The following CEP44 variants were observed in gnomAD, a reference collection of about 807,000 sequenced individuals.
CEP44 encodes the protein centrosomal protein of 44 kDa.
In CEP44, 45 loss-of-function variants were observed where a neutral mutation model predicts 46.7. The ratio of observed to expected loss-of-function variants is 0.96; its 90% CI spans 0.76 to 1.24. The LOEUF is 1.24. CEP44 is among the 50% of genes most tolerant of loss of function. The pLI is 0.00. For synonymous variants in CEP44, 142 were observed against 146.0 expected (o/e 0.97, Z 0.20); for missense variants, 475 against 459.7 (o/e 1.03, Z -0.30).
At position 174,331,828 on chromosome 4, in the gene CEP44, CCTCA is replaced by C. The variant is rs1203190165; in HGVS notation, c.*238_*241del. The stretch of plus-strand genomic sequence containing the variant: ...TTTCTCAAAATGTCTGCTGATAGCC[CCTCA>C]CTCATATTTTTCATGTGGGTTTATA... On this transcript the variant is annotated 3_prime_UTR_variant, in exon 9 of 9. Coordinates refer to the CEP44 transcript ENST00000426172. The surrounding 1 kb of genome is among the most constrained non-coding windows in gnomAD (Gnocchi z 4.5). The C allele has an allele frequency of 1.4e-4, 61 of 435,478 alleles. No individual in the cohort carries two copies. Among genetic ancestry groups the C allele is most frequent in the African/African-American group, 1.1e-3 (55 of 49,992 alleles). 27.0% of individuals were successfully genotyped at this position (435,478 alleles called of 1,614,324 possible).
intron 4 of CEP44, among the ~76,000 whole-genome samples, chr4:174,303,023 G>A (rs1176990591): frequency 6.6e-6 from 1 of 151,970 alleles, no homozygotes; most frequent in Non-Finnish European, 1.5e-5. Flanking sequence ...CTTGTGCTCT[G>A]CCCACCTTGG....
intron 1 of CEP44, among the ~76,000 whole-genome samples, chr4:174,293,610 T>C (rs1248423628): frequency 6.6e-6 from 1 of 152,236 alleles, no homozygotes; most frequent in African/African-American, 2.4e-5. Context: ...ATTGCCAGTA[T>C]ATAGGAAAAC....
In CEP44 at chr4:174,319,557, C is replaced by T. The variant is rs1201325616; in HGVS notation, c.*2174C>T. The T allele has an allele frequency of 1.2e-6, 1 of 822,906 alleles. No homozygotes were observed. Among genetic ancestry groups the T allele is most frequent in the African/African-American group, 1.9e-5 (1 of 53,872 alleles). 51.0% of individuals were successfully genotyped at this position (822,906 alleles called of 1,614,324 possible). On this transcript the variant is annotated 3_prime_UTR_variant, in exon 12 of 12. Transcript: ENST00000503780. Reference sequence around the variant, plus strand: ...TTTTTCTTTATATAGTGCAGATATACACACAGAGAAGGGACTTAAAACATT... The same window carrying T: ...TTTTTCTTTATATAGTGCAGATATATACACAGAGAAGGGACTTAAAACATT...
At chr4:174,324,488 C>G (rs1262006440), downstream of CEP44, among the ~76,000 whole-genome samples, 1 of 152,106 alleles carries the variant, frequency 6.6e-6, no homozygotes, top group Non-Finnish European at 1.5e-5. Flanking sequence ...AACTGGCTGG[C>G]CCATTTGCTT....
rs77838069 is a variant in CEP44 at position 174,287,777 on chromosome 4, T to C, written c.-148+3834T>C. Among the ~76,000 whole-genome samples, 4,505 of 152,300 alleles carry C rather than the reference T, an allele frequency of 0.03. 107 individuals carry two copies. The highest frequency in any genetic ancestry group is 0.047 in the Non-Finnish European group (3,229 of 67,998). ...TTATAATTATTTCATGCTGACAATA[T>C]GTTTATAAGTGTTTTGCAGTAACCT... is the stretch of plus-strand genomic sequence containing the variant. On this transcript the variant is annotated intron_variant, in intron 1 of 11. Coordinates refer to ENST00000503780, the MANE Select transcript of CEP44 (RefSeq NM_001040157.3). The surrounding 1 kb of genome is among the most constrained non-coding windows in gnomAD (Gnocchi z 5.1).
At position 174,299,080 on chromosome 4, in the gene CEP44, T is replaced by G. The variant is rs1433544447; in HGVS notation, c.-42T>G. On this transcript the variant is annotated 5_prime_UTR_variant, in exon 3 of 12. Transcript: ENST00000503780. ...TGGATTTCTATTTTCAGGTGAAAAA[T>G]TAGACGATTTCAAGAATTGGAGCTG... 1.3e-6 allele frequency: 2 copies of G among 1,536,202 alleles called. No individual in the cohort carries two copies. The highest frequency in any genetic ancestry group is 2.3e-5 in the South Asian group (2 of 87,008).
At chr4:174,323,797 T>G (rs138404787), downstream of CEP44, among the ~76,000 whole-genome samples, 1,482 of 152,182 alleles carry the variant, frequency 9.7e-3, 6 homozygotes, top group Middle Eastern at 0.017. Flanking sequence ...AGGGCACTCA[T>G]TGGGCATTCA....
chr4:174,317,632 T>G lies in CEP44; in HGVS notation c.*249T>G. Reference sequence around the variant, plus strand: ...AACTCATGTTCCAGTATATTTCTCTTACAGAGTGAAGTCATTACAGCACTG... The same window carrying G: ...AACTCATGTTCCAGTATATTTCTCTGACAGAGTGAAGTCATTACAGCACTG... On this transcript the variant is annotated 3_prime_UTR_variant, in exon 12 of 12. Coordinates refer to ENST00000503780, the MANE Select transcript of CEP44 (RefSeq NM_001040157.3). The G allele has an allele frequency of 4.7e-6, 5 of 1,055,980 alleles. No individual in the cohort carries two copies. The highest frequency in any genetic ancestry group is 5.7e-6 in the Non-Finnish European group (5 of 873,438). 65.4% of individuals were successfully genotyped at this position (1,055,980 alleles called of 1,614,324 possible).
At position 174,319,641 on chromosome 4, in the gene CEP44, T is replaced by C; in HGVS notation, c.*2258T>C. 1 of 673,662 alleles carries C rather than the reference T, an allele frequency of 1.5e-6. No homozygotes were observed. Among genetic ancestry groups the C allele is most frequent in the Non-Finnish European group, 1.8e-6 (1 of 545,128 alleles). The allele number at this position is 673,662 out of a possible 1,614,324, so 41.7% of individuals were successfully genotyped here. A position where few individuals can be genotyped will look rare whatever the true frequency, so the allele number is the denominator to read the frequency against. On this transcript the variant is annotated 3_prime_UTR_variant, in exon 12 of 12. Transcript: ENST00000503780. ...TATAAGTAAGTATATATTGAAAATA[T>C]AAAATATTTCATATATGTTATCAGG...
At chr4:174,315,250 A>G (rs572390808) in intron 9 of CEP44, among the ~76,000 whole-genome samples, 205 of 137,598 alleles carry the variant, frequency 1.5e-3, no homozygotes, top group African/African-American at 4.9e-3. Context: ...TTTTTTTTGC[A>G]TTGCTTTTGC....
Position 174,310,657 on chromosome 4 carries a change from ATAAAAAAT to A in CEP44, c.886-119_886-112del. 1.8e-6 allele frequency: 1 copy of A among 565,084 alleles called. No homozygotes were observed. Among genetic ancestry groups the A allele is most frequent in the Non-Finnish European group, 3.1e-6 (1 of 327,136 alleles). The allele number at this position is 565,084 out of a possible 1,614,324, so 35.0% of individuals were successfully genotyped here. A position where few individuals can be genotyped will look rare whatever the true frequency, so the allele number is the denominator to read the frequency against. On this transcript the variant is annotated intron_variant, in intron 8 of 11. Coordinates refer to ENST00000503780, the MANE Select transcript of CEP44 (RefSeq NM_001040157.3). The surrounding 1 kb of genome is among the most constrained non-coding windows in gnomAD (Gnocchi z 4.2). ...AATATGCAGTATATGTATTGCTTTA[ATAAAAAAT>A]TAAAAATATTTAAACATTTATCATG...
rs1741037980 is a variant in CEP44, at chr4:174,311,177, AG to A, written c.961+321del. On this transcript the variant is annotated intron_variant, in intron 9 of 11. Transcript: ENST00000503780. This position sits in a 1 kb window ranked among gnomAD's most constrained non-coding sequence, Gnocchi z 4.4. ...CCTCCAAGTTTTTAAATTTAAGCTTAGGTAGGTAGTAGCTTTCTCATATGTA... is the reference window on the plus strand; with the variant it reads ...CCTCCAAGTTTTTAAATTTAAGCTTAGTAGGTAGTAGCTTTCTCATATGTA... Among the ~76,000 whole-genome samples, 5 of 151,970 alleles carry A rather than the reference AG, an allele frequency of 3.3e-5. No individual in the cohort carries two copies. The highest frequency in any genetic ancestry group is 3.3e-4 in the Admixed American group (5 of 15,256).
At chr4:174,323,381 C>G (rs147051556), downstream of CEP44, among the ~76,000 whole-genome samples, 631 of 152,172 alleles carry the variant, frequency 4.1e-3, 7 homozygotes, top group African/African-American at 0.015. Flanking sequence ...TTCAGTCATA[C>G]ATTCATATAG....
In CEP44 at chr4:174,319,070, A is replaced by G. The variant is rs915833639; in HGVS notation, c.*1687A>G. On this transcript the variant is annotated 3_prime_UTR_variant, in exon 12 of 12. Coordinates refer to ENST00000503780, the MANE Select transcript of CEP44 (RefSeq NM_001040157.3). ...GCTACTCGCCCACCTGGATGTCCCA[A>G]AGTGCTAGATTCCATGGGTGAGTCA... is the stretch of plus-strand genomic sequence containing the variant. 3.4e-6 allele frequency: 3 copies of G among 874,398 alleles called. No homozygotes were observed. The Admixed American group carries it at 1.9e-4, about 56-fold the overall frequency. 54.2% of individuals were successfully genotyped at this position (874,398 alleles called of 1,614,324 possible). A position where few individuals can be genotyped will look rare whatever the true frequency, so the allele number is the denominator to read the frequency against.
At position 174,320,025 on chromosome 4, in the gene CEP44, CAT is replaced by C; in HGVS notation, c.*2644_*2645del. ...TTCACTTTCATTCTTTTCATTCTCT[CAT>C]AAACTGGTTGAAAAAACACTGTACT... On this transcript the variant is annotated 3_prime_UTR_variant, in exon 12 of 12. Coordinates refer to ENST00000503780, the MANE Select transcript of CEP44 (RefSeq NM_001040157.3). 1.0e-6 allele frequency: 1 copy of C among 985,146 alleles called. No individual in the cohort carries two copies. 61.0% of individuals were successfully genotyped at this position (985,146 alleles called of 1,614,324 possible).
exon 9 of CEP44, chr4:174,332,997 G>C (rs1277507172): frequency 1.3e-5 from 2 of 151,964 alleles, no homozygotes; most frequent in Admixed American, 1.3e-4. Context: ...GGAATTTACT[G>C]AAAATGGAAA....
At chr4:174,315,685 C>T (rs1409108826) in intron 9 of CEP44, among the ~76,000 whole-genome samples, 1 of 151,564 alleles carries the variant, frequency 6.6e-6, no homozygotes, top group African/African-American at 2.4e-5. Flanking sequence ...ACTAAAAATA[C>T]AAAAAATTAG....
rs1737848693 is a variant in CEP44 at position 174,288,860 on chromosome 4, A to C, written c.-148+4917A>C. ...GGAAAGCTTTCAGTTTTTTATCTTT[A>C]AGTATCTTAGCTGTGGGCTTCTCAT... is the stretch of plus-strand genomic sequence containing the variant. On this transcript the variant is annotated intron_variant, in intron 1 of 11. Transcript: ENST00000503780. This position sits in a 1 kb window ranked among gnomAD's most constrained non-coding sequence, Gnocchi z 4.6. Among the ~76,000 whole-genome samples the C allele has an allele frequency of 6.6e-6, 1 of 152,088 alleles. No individual in the cohort carries two copies. Among genetic ancestry groups the C allele is most frequent in the Non-Finnish European group, 1.5e-5 (1 of 68,006 alleles).
intron 9 of CEP44, among the ~76,000 whole-genome samples, chr4:174,313,569 A>G (rs941102499): frequency 6.6e-6 from 1 of 152,186 alleles, no homozygotes. Flanking sequence ...GTGTTTCACA[A>G]AGGTTATCAT....
Sources: allele counts gnomAD v4.1 joint callset (sites outside exome capture counted in the v4.1 genomes callset), GRCh38; gene constraint gnomAD v4.1.1; non-coding constraint Gnocchi (gnomAD v3.1); transcripts MANE v1.5; gene names NCBI Gene and HGNC (gene_info 2026-07-23, HGNC 2026-07-21).